The following KSR1 variants were observed in gnomAD, a reference collection of about 807,000 sequenced individuals.
KSR1 encodes kinase suppressor of ras.
KSR1 carries 35 observed loss-of-function variants against 92.9 expected under a neutral mutation model. The ratio of observed to expected loss-of-function variants is 0.38; its 90% confidence interval spans 0.29 to 0.50. The LOEUF is 0.50. KSR1 is among the 20% of genes least tolerant of loss of function. The pLI, the probability that KSR1 is intolerant of heterozygous loss-of-function variation, is 0.94. For missense variants in KSR1, 972 were observed against 1,158.5 expected, an observed-to-expected ratio of 0.84 and a Z score of 2.34; for synonymous variants, 467 against 472.6, an observed-to-expected ratio of 0.99 and a Z score of 0.15.
At chr17:27,558,994 G>A (rs1350267137) in intron 2 of KSR1, among the ~76,000 whole-genome samples, 1 of 152,212 alleles carries the variant, frequency 6.6e-6, no homozygotes, top group Non-Finnish European at 1.5e-5. Context: ...CCGTCTGTGT[G>A]TGTAATCTCC....
At chr17:27,552,576 A>C (rs1038583333) in intron 2 of KSR1, among the ~76,000 whole-genome samples, 1 of 152,164 alleles carries the variant, frequency 6.6e-6, no homozygotes, top group African/African-American at 2.4e-5. Context: ...AGTCACCTCC[A>C]TGAGTCACCT....
intron 1 of KSR1, among the ~76,000 whole-genome samples, chr17:27,471,266 C>T (rs904775695): frequency 6.6e-6 from 1 of 152,182 alleles, no homozygotes; most frequent in Admixed American, 6.5e-5. Context: ...AGAGGGCTTC[C>T]TTCAGTGGAA....
chr17:27,489,698 T>C (rs1040674974), intron 1 of KSR1, among the ~76,000 whole-genome samples: 2 of 152,138 alleles, frequency 1.3e-5, no homozygotes, highest in South Asian at 4.2e-4. Flanking sequence ...TTGCTTCTTC[T>C]CTCCCCTGTG....
At chr17:27,513,051 C>T (rs1041119377) in intron 1 of KSR1, among the ~76,000 whole-genome samples, 1 of 152,172 alleles carries the variant, frequency 6.6e-6, no homozygotes, top group Non-Finnish European at 1.5e-5. Flanking sequence ...TATGAATCCC[C>T]AAACACTGTA....
chr17:27,584,131 T>G (rs572147804), intron 4 of KSR1: 10 of 288,906 alleles, frequency 3.5e-5, no homozygotes, highest in Non-Finnish European at 5.2e-5. Context: ...CTTGGGTGCC[T>G]CTTACCTTCT....
At chr17:27,511,441 A>G (rs959936181) in intron 1 of KSR1, among the ~76,000 whole-genome samples, 3 of 152,180 alleles carry the variant, frequency 2.0e-5, no homozygotes, top group African/African-American at 7.2e-5. Context: ...GAACAGTGCC[A>G]GAAGGTAGGG....
intron 1 of KSR1, among the ~76,000 whole-genome samples, chr17:27,514,455 T>A (rs1024344670): frequency 6.6e-6 from 1 of 152,034 alleles, no homozygotes; most frequent in Non-Finnish European, 1.5e-5. Flanking sequence ...AGTCAGGAGT[T>A]CAAGACCAGC....
At chr17:27,572,506 G>T (rs577151709) in intron 2 of KSR1, among the ~76,000 whole-genome samples, 15 of 152,318 alleles carry the variant, frequency 9.8e-5, no homozygotes, top group African/African-American at 3.6e-4. Context: ...GAACTTTGGG[G>T]TATGGGCAGA....
rs1001985146 is a variant in KSR1, at chr17:27,559,923, G to T, written c.372+9215G>T. ...GTAGGGGTTGGGGCTCCTCTTAGGGGATATTGGAAGTGTGTGTGAGAGAGG... is the reference window on the plus strand; with the variant it reads ...GTAGGGGTTGGGGCTCCTCTTAGGGTATATTGGAAGTGTGTGTGAGAGAGG... On this transcript the variant is annotated intron_variant, in intron 2 of 20. Transcript: ENST00000644974. This position sits in a 1 kb window ranked among gnomAD's most constrained non-coding sequence, Gnocchi z 4.2. 2.0e-5 allele frequency among the ~76,000 whole-genome samples: 3 copies of T among 152,360 alleles called. No individual in the cohort carries two copies. The highest frequency in any genetic ancestry group is 6.5e-5 in the Admixed American group (1 of 15,308).
At chr17:27,530,772 A>G (rs1038286941) in intron 1 of KSR1, among the ~76,000 whole-genome samples, 3 of 152,194 alleles carry the variant, frequency 2.0e-5, no homozygotes, top group African/African-American at 7.2e-5. Flanking sequence ...CACAGATGAC[A>G]TTTCTGCTGT....
At chr17:27,602,886 G>A (rs902502299) in intron 11 of KSR1, among the ~76,000 whole-genome samples, 2 of 152,246 alleles carry the variant, frequency 1.3e-5, no homozygotes, top group African/African-American at 2.4e-5. Context: ...TCCCAGAGAT[G>A]TTGACAGCCT....
At chr17:27,496,919 CT>C (rs1383117592) in intron 1 of KSR1, among the ~76,000 whole-genome samples, 1 of 152,230 alleles carries the variant, frequency 6.6e-6, no homozygotes, top group Non-Finnish European at 1.5e-5. Flanking sequence ...CAGGTTAGAA[CT>C]CTGAGGTTCA....
At chr17:27,519,762 C>T (rs1000584893) in intron 1 of KSR1, among the ~76,000 whole-genome samples, 6 of 152,304 alleles carry the variant, frequency 3.9e-5, no homozygotes, top group South Asian at 2.1e-4. Flanking sequence ...TAAATTGGGA[C>T]GGGTTGTGGT....
intron 9 of KSR1, among the ~76,000 whole-genome samples, chr17:27,596,128 ATCCCT>A (rs1261689175): frequency 6.6e-6 from 1 of 152,224 alleles, no homozygotes; most frequent in Non-Finnish European, 1.5e-5. Context: ...AAAAACCATG[ATCCCT>A]ACAGATAGAA....
chr17:27,610,399 A>C (rs949559262), intron 17 of KSR1, among the ~76,000 whole-genome samples: 1 of 152,200 alleles, frequency 6.6e-6, no homozygotes, highest in Non-Finnish European at 1.5e-5. Context: ...GTGCATGACT[A>C]TATCCTTGAC....
In KSR1 at chr17:27,456,594, C is replaced by T. The variant is rs2019171402; in HGVS notation, c.-50C>T. 1 of 462,834 alleles carries T rather than the reference C, an allele frequency of 2.2e-6. No homozygotes were observed. Among genetic ancestry groups the T allele is most frequent in the African/African-American group, 2.1e-5 (1 of 48,110 alleles). The allele number at this position is 462,834 out of a possible 1,614,324, so 28.7% of individuals were successfully genotyped here. The stretch of plus-strand genomic sequence containing the variant: ...GGCTCGGGGGTTCCTTGCCGAGGCG[C>T]CCGCGCCCCGGGCTCCCAGCCTCGG... On this transcript the variant is annotated 5_prime_UTR_variant, in exon 1 of 21. Coordinates refer to ENST00000644974, the MANE Select transcript of KSR1 (RefSeq NM_001394583.1).
intron 1 of KSR1, among the ~76,000 whole-genome samples, chr17:27,489,174 G>A (rs2068750847): frequency 6.6e-6 from 1 of 152,220 alleles, no homozygotes; most frequent in Admixed American, 6.5e-5. Context: ...CTGGGGGCCG[G>A]GCCCGTGGGA....
At chr17:27,572,406 G>GTT (rs2072345490) in intron 2 of KSR1, among the ~76,000 whole-genome samples, 2 of 152,214 alleles carry the variant, frequency 1.3e-5, no homozygotes, top group Admixed American at 6.5e-5. Flanking sequence ...TCCGTTTTTG[G>GTT]TTTGTAGTTC....
At chr17:27,477,338 G>A (rs1366088881) in intron 1 of KSR1, among the ~76,000 whole-genome samples, 1 of 152,202 alleles carries the variant, frequency 6.6e-6, no homozygotes, top group Non-Finnish European at 1.5e-5. Flanking sequence ...TCCTGTTTAA[G>A]ACGGAGTTGC....
Sources: gnomAD v4.1 joint callset for allele counts (sites outside exome capture counted in the v4.1 genomes callset) on GRCh38, gnomAD v4.1.1 for gene constraint, Gnocchi (gnomAD v3.1) non-coding constraint, MANE v1.5 for transcripts, NCBI Gene and HGNC (gene_info 2026-07-23, HGNC 2026-07-21) for gene names.